Variants in RNASEH2B observed in about 807,000 individuals in gnomAD.
RNASEH2B encodes Aicardi-Goutieres syndrome 2 protein.
A neutral mutation model predicts 45.0 loss-of-function variants in RNASEH2B; 36 were observed. The observed-to-expected ratio is 0.80, with a 90% CI of 0.61 to 1.06. The LOEUF is 1.06. Among genes scored for constraint, RNASEH2B ranks in the 50% least tolerant of loss-of-function variants. The pLI is 0.00. For missense variants in RNASEH2B, 361 were observed against 360.3 expected (o/e 1.00, Z -0.02); for synonymous variants, 119 against 125.7 (o/e 0.95, Z 0.35).
intron 9 of RNASEH2B, among the ~76,000 whole-genome samples, chr13:50,968,953 A>G (rs942816424): frequency 6.6e-6 from 1 of 152,252 alleles, no homozygotes; most frequent in Non-Finnish European, 1.5e-5. Context: ...CGTGTTTGAA[A>G]TCAGAATACT....
intron 3 of RNASEH2B, 65 bp downstream of exon 3, chr13:50,929,647 C>G: frequency 9.4e-7 from 1 of 1,058,904 alleles, no homozygotes; most frequent in Non-Finnish European, 1.5e-6. Flanking sequence ...ATTCTTCACA[C>G]GTGGGGTTGT....
chr13:50,970,438 T>A (rs1251597214), exon 10 of RNASEH2B: 1 of 215,822 alleles, frequency 4.6e-6, no homozygotes, highest in Admixed American at 5.9e-5. Context: ...CAGGAGTTAT[T>A]AAACATTTCT....
intron 1 of RNASEH2B, chr13:50,911,579 CA>C (rs1221143162): frequency 6.6e-6 from 1 of 152,138 alleles, no homozygotes; most frequent in East Asian, 1.9e-4. Context: ...AATGGTTTTC[CA>C]AAGTGGTTAT....
intron 1 of RNASEH2B, chr13:50,913,182 C>G (rs1566072886): frequency 6.6e-6 from 1 of 152,158 alleles, no homozygotes; most frequent in Non-Finnish European, 1.5e-5. Flanking sequence ...TGTAAAATGG[C>G]CTGGGAATAC....
chr13:50,951,760 T>A (rs1378246269), intron 9 of RNASEH2B: 1 of 152,112 alleles, frequency 6.6e-6, no homozygotes, highest in Admixed American at 6.6e-5. Context: ...AGTAAATGCT[T>A]CAATCATCTT....
intron 10 of RNASEH2B, chr13:50,955,048 A>G (rs1952026806): frequency 6.6e-6 from 1 of 152,120 alleles, no homozygotes; most frequent in Non-Finnish European, 1.5e-5. Flanking sequence ...GGCTATTAAC[A>G]CTTTTCATGA....
At chr13:50,949,533 G>A (rs776350813) in intron 9 of RNASEH2B, 28 bp downstream of exon 9, 2 of 1,600,066 alleles carry the variant, frequency 1.2e-6, no homozygotes, top group South Asian at 2.2e-5. Flanking sequence ...AGATATCTTT[G>A]GGGGACTTAG....
rs1244567393 is a variant in RNASEH2B at position 50,910,106 on chromosome 13, G to A, written c.30G>A (p.Gly10=). 2.1e-6 allele frequency: 3 copies of A among 1,462,072 alleles called. No individual in the cohort carries two copies. Among genetic ancestry groups the A allele is most frequent in the East Asian group, 3.0e-5 (1 of 33,348 alleles). 90.6% of individuals were successfully genotyped at this position (1,462,072 alleles called of 1,614,324 possible). The change falls in exon 1 of 11, where the codon GGG becomes GGA. Residue 10 remains glycine (G), a synonymous_variant. Coordinates refer to ENST00000336617, the MANE Select transcript of RNASEH2B (RefSeq NM_024570.4). ...CCGCTGGCGTGGACTGCGGGGACGGGGTTGGCGCCCGGCAGCACGTGTTCC... is the reference window on the plus strand; with the variant it reads ...CCGCTGGCGTGGACTGCGGGGACGGAGTTGGCGCCCGGCAGCACGTGTTCC... The part of the protein sequence containing the change: MAAGVDCGD[G]VGARQHVFLV...
intron 1 of RNASEH2B, among the ~76,000 whole-genome samples, chr13:50,913,487 TG>T (rs1879548994): frequency 2.7e-5 from 4 of 150,012 alleles, no homozygotes; most frequent in Admixed American, 6.6e-5. Context: ...CATTGTGTAT[TG>T]AAAAAAAAAA....
chr13:50,929,088 G>C (rs1407168963), intron 2 of RNASEH2B, among the ~76,000 whole-genome samples: 1 of 152,088 alleles, frequency 6.6e-6, no homozygotes, highest in Non-Finnish European at 1.5e-5. Context: ...CCCTGTGTGG[G>C]GAGAGCCACA....
At chr13:50,956,250 G>A in intron 10 of RNASEH2B, 108 bp from the exon 11 acceptor site, 3 of 908,682 alleles carry the variant, frequency 3.3e-6, no homozygotes, top group Non-Finnish European at 5.2e-6. Context: ...AGTGGGGGAT[G>A]CTTACCTTCC....
rs1951650910 is a variant in RNASEH2B at position 50,929,568 on chromosome 13, A to G, written c.230A>G (p.Gln77Arg). ...KEKHHSWFIN[Q>R]SVQSGGLLHF... ...AAACACCATTCTTGGTTTATAAATC[A>G]ATCAGTTCAATCAGGTAGGTGACTA... Residue 77 changes from glutamine to arginine, a missense_variant, in exon 3 of 11, where the codon CAA becomes CGA. Coordinates refer to ENST00000336617, the MANE Select transcript of RNASEH2B (RefSeq NM_024570.4). 6.3e-7 allele frequency: 1 copy of G among 1,594,136 alleles called. No homozygotes were observed. The highest frequency in any genetic ancestry group is 8.6e-7 in the Non-Finnish European group (1 of 1,161,842).
chr13:50,943,463 G>A lies in RNASEH2B; in HGVS notation c.510+69G>A, dbSNP rs1927742. The A allele has an allele frequency of 0.12, 132,566 of 1,083,050 alleles. 10,777 individuals are homozygous for A. Among genetic ancestry groups the A allele is most frequent in the East Asian group, 0.36 (15,260 of 42,294 alleles). The allele number at this position is 1,083,050 out of a possible 1,614,324, so 67.1% of individuals were successfully genotyped here. Reference sequence around the variant, plus strand: ...GTTCTCTAAGAAATTTTCAGAGAAGGCAGTAAGTCTGAATCCAGAGACCAT... The same window carrying A: ...GTTCTCTAAGAAATTTTCAGAGAAGACAGTAAGTCTGAATCCAGAGACCAT... On this transcript the variant is annotated intron_variant, in intron 6 of 10. Coordinates refer to ENST00000336617, the MANE Select transcript of RNASEH2B (RefSeq NM_024570.4).
chr13:50,930,170 T>A, intron 3 of RNASEH2B: 1 of 223,606 alleles, frequency 4.5e-6, no homozygotes, highest in Non-Finnish European at 8.9e-6. Context: ...GGGCAGTCAG[T>A]GGCTATTCAA....
intron 5 of RNASEH2B, chr13:50,941,191 A>G (rs1951828831): frequency 6.6e-6 from 1 of 152,226 alleles, no homozygotes; most frequent in Non-Finnish European, 1.5e-5. Flanking sequence ...TGTATTTGCT[A>G]AGTGGCAGGT....
intron 9 of RNASEH2B, among the ~76,000 whole-genome samples, chr13:50,968,801 C>T (rs1260091809): frequency 1.3e-5 from 2 of 152,140 alleles, no homozygotes; most frequent in East Asian, 1.9e-4. Context: ...AGTGTTTTAG[C>T]ATTTACTGTA....
intron 9 of RNASEH2B, among the ~76,000 whole-genome samples, chr13:50,969,290 G>A (rs193298995): frequency 3.9e-4 from 60 of 152,234 alleles, no homozygotes; most frequent in African/African-American, 1.3e-3. Context: ...TGGCATAGAA[G>A]TTTGATTTCC....
At chr13:50,954,262 G>A (rs1952015793) in intron 10 of RNASEH2B, 1 of 538,118 alleles carries the variant, frequency 1.9e-6, no homozygotes, top group Non-Finnish European at 3.3e-6. Context: ...TGGGAAAGGA[G>A]GGAGGAAGCT....
At chr13:50,922,063 A>G (rs559417359) in intron 1 of RNASEH2B, among the ~76,000 whole-genome samples, 27 of 152,324 alleles carry the variant, frequency 1.8e-4, no homozygotes, top group Admixed American at 1.2e-3. Context: ...CTCCTTGGAA[A>G]AGTCTCATTT....
Sources: allele counts gnomAD v4.1 joint callset (sites outside exome capture counted in the v4.1 genomes callset), GRCh38; gene constraint gnomAD v4.1.1; transcripts MANE v1.5; gene names NCBI Gene and HGNC (gene_info 2026-07-23, HGNC 2026-07-21).